USH2A: variants seen among roughly 807,000 people sequenced by gnomAD.
USH2A encodes usherin, also known as Usher syndrome 2A (autosomal recessive, mild).
USH2A carries 443 observed loss-of-function variants against 538.9 expected under a neutral mutation model. That is an observed-to-expected ratio of 0.82 (90% CI 0.76 to 0.89). The LOEUF (loss-of-function observed/expected upper bound fraction) is 0.89. USH2A is among the 40% of genes least tolerant of loss of function. The pLI is 0.00. For missense variants in USH2A, 6,633 were observed against 6,324.8 expected (o/e 1.05, Z -1.65); for synonymous variants, 2,413 against 2,273.5 (o/e 1.06, Z -1.75).
intron 32 of USH2A, among the ~76,000 whole-genome samples, chr1:216,014,624 T>C (rs1668663604): frequency 6.6e-6 from 1 of 152,216 alleles, no homozygotes; most frequent in Admixed American, 6.5e-5. Flanking sequence ...CATCTTGTTT[T>C]CCATTTGCTT....
At chr1:215,845,193 C>T in intron 45 of USH2A, among the ~76,000 whole-genome samples, 1 of 152,058 alleles carries the variant, frequency 6.6e-6, no homozygotes, top group East Asian at 1.9e-4. Flanking sequence ...AGGTGCCGAC[C>T]TTTGGCACCA....
At chr1:216,133,300 G>C (rs553146129) in intron 21 of USH2A, among the ~76,000 whole-genome samples, 1 of 152,114 alleles carries the variant, frequency 6.6e-6, no homozygotes, top group South Asian at 2.1e-4. Flanking sequence ...GTTTGGGCAG[G>C]ACCAATAGGC....
chr1:216,076,595 C>G (rs953122825), intron 27 of USH2A, among the ~76,000 whole-genome samples: 1 of 151,978 alleles, frequency 6.6e-6, no homozygotes. Flanking sequence ...TCTTTCTAAC[C>G]TCAGAAACCT....
At chr1:216,011,764 C>G (rs1668579188) in intron 32 of USH2A, among the ~76,000 whole-genome samples, 1 of 152,000 alleles carries the variant, frequency 6.6e-6, no homozygotes, top group Non-Finnish European at 1.5e-5. Flanking sequence ...GACGCATATA[C>G]TTTCTGCTCC....
chr1:215,801,459 G>A (rs11120639), intron 49 of USH2A, among the ~76,000 whole-genome samples: 2,755 of 148,060 alleles, frequency 0.019, 89 homozygotes, highest in African/African-American at 0.064. Context: ...TACAAAGTCA[G>A]CATAGAAAAA....
rs771165956 is a variant in USH2A at position 215,728,127 on chromosome 1, G to A, written c.11969C>T (p.Ser3990Phe). 6.2e-7 allele frequency: 1 copy of A among 1,614,218 alleles called. No individual in the cohort carries two copies. Among genetic ancestry groups the A allele is most frequent in the Non-Finnish European group, 8.5e-7 (1 of 1,180,052 alleles). The change falls in exon 61 of 72, where the codon TCT (serine) becomes TTT (phenylalanine). Residue 3990 changes from serine to phenylalanine, a missense_variant. Physicochemically the swap from Ser to Phe is radical, Grantham distance 155. Transcript: ENST00000307340. ...GTAATGGGAGATAATGCCATTGGGA[G>A]ATTCTGGCTTTGTCCAATTCAACAG... Reference protein sequence around the residue: ...SVLLNWTKPESPNGIISHYRV... With the variant: ...SVLLNWTKPEFPNGIISHYRV...
chr1:216,060,559 G>C (rs767055182), intron 30 of USH2A, among the ~76,000 whole-genome samples: 19 of 152,006 alleles, frequency 1.2e-4, no homozygotes, highest in Admixed American at 3.9e-4. Flanking sequence ...TGATTCATTT[G>C]CCAAACTATA....
rs1571952218 is a variant in USH2A, at chr1:216,089,143, A to G, written c.4759-4T>C. 9 of 1,611,996 alleles carry G rather than the reference A, an allele frequency of 5.6e-6. No individual in the cohort carries two copies. In the South Asian group the frequency reaches 9.9e-5, roughly 18 times the overall value. ...TAGTTACTTCCACTGGTGACCCCTT[A>G]AGGGAATGAATGAATAAATAAATGT... On this transcript the variant is annotated splice_polypyrimidine_tract_variant and splice_region_variant and intron_variant, in intron 22 of 71. Transcript: ENST00000307340.
chr1:216,116,737 G>A (rs114959981), intron 21 of USH2A, among the ~76,000 whole-genome samples: 13 of 152,012 alleles, frequency 8.6e-5, no homozygotes, highest in Admixed American at 8.5e-4. Flanking sequence ...CAATATTAGG[G>A]TCGCTTCAGG....
intron 9 of USH2A, among the ~76,000 whole-genome samples, chr1:216,312,168 G>T (rs1281269095): frequency 6.7e-6 from 1 of 149,680 alleles, no homozygotes; most frequent in African/African-American, 2.5e-5. Flanking sequence ...AGAATTCTAG[G>T]TGGATTTTTT....
At chr1:216,153,724 A>T (rs2033885780) in intron 21 of USH2A, among the ~76,000 whole-genome samples, 1 of 152,204 alleles carries the variant, frequency 6.6e-6, no homozygotes, top group South Asian at 2.1e-4. Context: ...AAGGGGAAAA[A>T]AACCCTCAAA....
At chr1:215,866,649 T>C (rs2102440166) in intron 44 of USH2A, among the ~76,000 whole-genome samples, 1 of 152,336 alleles carries the variant, frequency 6.6e-6, no homozygotes, top group Non-Finnish European at 1.5e-5. Flanking sequence ...TACATGGACA[T>C]GTCTATCACA....
In USH2A at chr1:215,713,296, C is replaced by T. The variant is rs530003112; in HGVS notation, c.12066+14734G>A. On this transcript the variant is annotated intron_variant, in intron 61 of 71. Transcript: ENST00000307340. ...GACTCTAAGAGGTGCTGCCTCTCTG[C>T]GGGAGGCACTATTAGGCATAACCTC... Among the ~76,000 whole-genome samples the T allele has an allele frequency of 5.3e-5, 8 of 152,232 alleles. No individual in the cohort carries two copies. The South Asian group carries it at 6.2e-4, about 12-fold the overall frequency.
At position 215,897,800 on chromosome 1, in the gene USH2A, CAAAG is replaced by C. The variant is rs148582990; in HGVS notation, c.7594+2271_7594+2274del. 1.5e-3 allele frequency among the ~76,000 whole-genome samples: 230 copies of C among 151,636 alleles called. 1 individual carries two copies. In the East Asian group the frequency reaches 0.039, roughly 26 times the overall value. Reference sequence around the variant, plus strand: ...AAGAGAGAGAGGGGAAAGAAAGAAACAAAGAAAGAAGAAAGAAAGAGAAAGAAAA... The same window carrying C: ...AAGAGAGAGAGGGGAAAGAAAGAAACAAAGAAGAAAGAAAGAGAAAGAAAA... On this transcript the variant is annotated intron_variant, in intron 40 of 71. Coordinates refer to ENST00000307340, the MANE Select transcript of USH2A (RefSeq NM_206933.4).
chr1:215,694,794 G>A (rs1415399274), intron 61 of USH2A, among the ~76,000 whole-genome samples: 1 of 152,184 alleles, frequency 6.6e-6, no homozygotes, highest in African/African-American at 2.4e-5. Context: ...TTTGGAAAGG[G>A]AGTGGGCAAC....
chr1:215,840,306 T>A (rs1663643125), intron 46 of USH2A, among the ~76,000 whole-genome samples: 1 of 152,108 alleles, frequency 6.6e-6, no homozygotes, highest in South Asian at 2.1e-4. Context: ...AAATGCTTAT[T>A]TTAAATGAAA....
chr1:216,367,853 C>G (rs1469645397), intron 3 of USH2A, among the ~76,000 whole-genome samples: 1 of 152,094 alleles, frequency 6.6e-6, no homozygotes, highest in Non-Finnish European at 1.5e-5. Flanking sequence ...GTCCCCTTGC[C>G]AGTTATTTAA....
chr1:215,764,108 T>C (rs1038502227), intron 56 of USH2A, among the ~76,000 whole-genome samples: 2 of 152,150 alleles, frequency 1.3e-5, no homozygotes, highest in East Asian at 1.9e-4. Flanking sequence ...AGTAAATACA[T>C]AGGATTTAAA....
intron 60 of USH2A, among the ~76,000 whole-genome samples, chr1:215,732,544 C>CTTTTTTTTTTTTTTTTTTT (rs141549439): frequency 5.4e-5 from 4 of 73,586 alleles, no homozygotes; most frequent in East Asian, 4.1e-4. Flanking sequence ...TTTTTTCTTT[C>CTTTTTTTTTTTTTTTTTTT]TTTTTTTTTT....
Sources: allele counts gnomAD v4.1 joint callset (sites outside exome capture counted in the v4.1 genomes callset), GRCh38; gene constraint gnomAD v4.1.1; transcripts MANE v1.5; gene names NCBI Gene and HGNC (gene_info 2026-07-23, HGNC 2026-07-21).